Variants in TUNAR observed in about 807,000 individuals in gnomAD.
TUNAR encodes transmembrane neural differentiation associated intracellular calcium regulator, also known as protein TUNAR.
intron 2 of TUNAR, among the ~76,000 whole-genome samples, chr14:95,899,012 G>C (rs1235485034): frequency 1.3e-5 from 2 of 152,174 alleles, no homozygotes; most frequent in Non-Finnish European, 2.9e-5. Flanking sequence ...CCAAACCCCA[G>C]CCTTCTGATT....
intron 2 of TUNAR, among the ~76,000 whole-genome samples, chr14:95,902,482 C>A (rs1366666616): frequency 1.3e-5 from 2 of 152,152 alleles, no homozygotes; most frequent in East Asian, 3.9e-4. Flanking sequence ...ATGGGTGCAG[C>A]CCGCCAAAGA....
intron 2 of TUNAR, among the ~76,000 whole-genome samples, chr14:95,890,927 G>A (rs140753209): frequency 6.6e-6 from 1 of 152,268 alleles, no homozygotes. Context: ...GCTTACACCG[G>A]GACCCACAGC....
intron 2 of TUNAR, among the ~76,000 whole-genome samples, chr14:95,883,566 G>A (rs1272557980): frequency 6.6e-6 from 1 of 152,230 alleles, no homozygotes; most frequent in African/African-American, 2.4e-5. Context: ...CAGTAGGCCT[G>A]GGGCGTCACC....
At chr14:95,893,727 A>T (rs1360658940) in intron 2 of TUNAR, among the ~76,000 whole-genome samples, 2 of 152,228 alleles carry the variant, frequency 1.3e-5, no homozygotes, top group African/African-American at 4.8e-5. Flanking sequence ...TCCCAGGAGC[A>T]TTTGAAAAAT....
At chr14:95,912,886 G>A (rs1045267799) in intron 2 of TUNAR, among the ~76,000 whole-genome samples, 1 of 152,056 alleles carries the variant, frequency 6.6e-6, no homozygotes, top group Non-Finnish European at 1.5e-5. Context: ...CATCTCCCAG[G>A]TTGACGCCAT....
chr14:95,888,315 G>T (rs965366170), intron 2 of TUNAR, among the ~76,000 whole-genome samples: 2 of 152,190 alleles, frequency 1.3e-5, no homozygotes, highest in African/African-American at 4.8e-5. Context: ...CTTGATAAAG[G>T]AGTTAATTTT....
exon 3 of TUNAR, chr14:95,923,263 C>T (rs766271478): frequency 3.0e-5 from 8 of 267,912 alleles, no homozygotes; most frequent in Middle Eastern, 1.1e-3. Context: ...CATCAGTGAG[C>T]GGATGGGTGC....
Position 95,895,698 on chromosome 14 carries a change from C to T in TUNAR, c.12+18521C>T, listed in dbSNP as rs955528563. The T allele has an allele frequency of 2.0e-5, 3 of 152,432 alleles. No individual in the cohort carries two copies. The highest frequency in any genetic ancestry group is 2.9e-5 in the Non-Finnish European group (2 of 68,194). The allele number at this position is 152,432 out of a possible 1,614,324, so 9.4% of individuals were successfully genotyped here. Reference sequence around the variant, plus strand: ...CTGGCATCTTCCTCACCCCCAGCACCCTATGCACCAGACCTTGGGAAGGTG... The same window carrying T: ...CTGGCATCTTCCTCACCCCCAGCACTCTATGCACCAGACCTTGGGAAGGTG... On this transcript the variant is annotated intron_variant, in intron 2 of 2. Transcript: ENST00000678517. The surrounding 1 kb of genome is among the most constrained non-coding windows in gnomAD (Gnocchi z 4.5).
At chr14:95,921,934 T>A (rs77992785) in intron 2 of TUNAR, among the ~76,000 whole-genome samples, 4,021 of 152,230 alleles carry the variant, frequency 0.026, 186 homozygotes, top group African/African-American at 0.09. Flanking sequence ...CACCATCATA[T>A]AATATTCCAT....
chr14:95,912,567 T>C (rs1889531120), intron 2 of TUNAR, among the ~76,000 whole-genome samples: 1 of 152,244 alleles, frequency 6.6e-6, no homozygotes, highest in African/African-American at 2.4e-5. Context: ...TCAACCACTT[T>C]TTCCCCCTGA....
chr14:95,914,686 T>C (rs1294158858), intron 2 of TUNAR, among the ~76,000 whole-genome samples: 3 of 152,062 alleles, frequency 2.0e-5, no homozygotes, highest in African/African-American at 7.2e-5. Context: ...TCAATCATCA[T>C]CATCACCACT....
At chr14:95,913,795 C>T (rs1889557710) in intron 2 of TUNAR, among the ~76,000 whole-genome samples, 1 of 152,070 alleles carries the variant, frequency 6.6e-6, no homozygotes, top group Non-Finnish European at 1.5e-5. Context: ...TGCAGTGGCA[C>T]GATCTCAGCT....
chr14:95,924,309 TA>T (rs1889748523), exon 3 of TUNAR: 1 of 152,224 alleles, frequency 6.6e-6, no homozygotes, highest in African/African-American at 2.4e-5. Flanking sequence ...AGGACTTCTG[TA>T]TTTTTAAAGC....
At chr14:95,901,828 A>G (rs557732038) in intron 2 of TUNAR, among the ~76,000 whole-genome samples, 1 of 152,300 alleles carries the variant, frequency 6.6e-6, no homozygotes, top group Non-Finnish European at 1.5e-5. Context: ...TGTAGGGTAC[A>G]TAGCTGGAGA....
chr14:95,906,851 T>A (rs977045461), intron 2 of TUNAR, among the ~76,000 whole-genome samples: 1 of 152,176 alleles, frequency 6.6e-6, no homozygotes, highest in Admixed American at 6.5e-5. Flanking sequence ...CATCACTTCC[T>A]CCCCATCCTC....
chr14:95,892,527 G>T (rs995416473), intron 2 of TUNAR, among the ~76,000 whole-genome samples: 7 of 152,244 alleles, frequency 4.6e-5, no homozygotes, highest in African/African-American at 1.7e-4. Context: ...TGACCTCAGG[G>T]TGGCTGAGGA....
At position 95,895,926 on chromosome 14, in the gene TUNAR, C is replaced by G. The variant is rs1889256796; in HGVS notation, c.12+18749C>G. The G allele has an allele frequency of 6.6e-6, 1 of 152,360 alleles. No individual in the cohort carries two copies. 9.4% of individuals were successfully genotyped at this position (152,360 alleles called of 1,614,324 possible). ...GCCTGCCCATCATGGCATCCACCAC[C>G]AGGTGGCCTTTTTCTTGGTAAGTTC... On this transcript the variant is annotated intron_variant, in intron 2 of 2. Coordinates refer to ENST00000678517, the Ensembl canonical transcript of TUNAR. This position sits in a 1 kb window ranked among gnomAD's most constrained non-coding sequence, Gnocchi z 4.5.
chr14:95,916,076 C>T (rs1308076423), intron 2 of TUNAR, among the ~76,000 whole-genome samples: 2 of 152,114 alleles, frequency 1.3e-5, no homozygotes, highest in African/African-American at 4.8e-5. Flanking sequence ...ATGCAGTTAA[C>T]TAGTAAGTAT....
intron 2 of TUNAR, among the ~76,000 whole-genome samples, chr14:95,883,729 C>G (rs1353748985): frequency 1.3e-5 from 2 of 151,830 alleles, no homozygotes. Context: ...GCCACCCCCC[C>G]GCCGCCACTC....
Sources: gnomAD v4.1 joint callset for allele counts (sites outside exome capture counted in the v4.1 genomes callset) on GRCh38, gnomAD v4.1.1 for gene constraint, Gnocchi (gnomAD v3.1) non-coding constraint, MANE v1.5 for transcripts, NCBI Gene and HGNC (gene_info 2026-07-23, HGNC 2026-07-21) for gene names.